The following GRIK3 variants were observed in gnomAD, a reference collection of about 807,000 sequenced individuals.
GRIK3 encodes glutamate ionotropic receptor kainate type subunit 3, also known as glutamate receptor ionotropic, kainate 3.
Under a neutral mutation model 102.5 loss-of-function variants are expected in GRIK3, and 29 were observed. The ratio of observed to expected loss-of-function variants is 0.28; its 90% CI spans 0.21 to 0.39. The LOEUF (loss-of-function observed/expected upper bound fraction) is 0.39, where lower values mean the gene tolerates loss of function less well. Among genes scored for constraint, GRIK3 ranks in the 10% least tolerant of loss-of-function variants. The pLI is 1.00. For synonymous variants in GRIK3, 511 were observed against 504.9 expected, an observed-to-expected ratio of 1.01 and a Z score of -0.16; for missense variants, 908 against 1,252.4, an observed-to-expected ratio of 0.73 and a Z score of 4.15.
At chr1:36,973,586 A>ATTTT (rs35781786) in intron 1 of GRIK3, among the ~76,000 whole-genome samples, 40 of 141,620 alleles carry the variant, frequency 2.8e-4, no homozygotes, top group African/African-American at 1.1e-3. Context: ...CGCCCGGCTA[A>ATTTT]TTTTTTTTTT....
At chr1:36,842,648 G>T (rs780707869) in intron 9 of GRIK3, among the ~76,000 whole-genome samples, 2 of 152,218 alleles carry the variant, frequency 1.3e-5, no homozygotes, top group Admixed American at 1.3e-4. Flanking sequence ...CCGGGCACTG[G>T]TCAATTAGCA....
At position 36,850,595 on chromosome 1, in the gene GRIK3, C is replaced by T; in HGVS notation, c.1213-171G>A. Reference sequence around the variant, plus strand: ...CAGTTATAACCGTTCTGGACAACATCCCTGCAGCTCTCCCTCCTCTCCTGA... The same window carrying T: ...CAGTTATAACCGTTCTGGACAACATTCCTGCAGCTCTCCCTCCTCTCCTGA... On this transcript the variant is annotated intron_variant, in intron 8 of 15. Transcript: ENST00000373091. This position sits in a 1 kb window ranked among gnomAD's most constrained non-coding sequence, Gnocchi z 4.0. Among the ~76,000 whole-genome samples the T allele has an allele frequency of 6.6e-6, 1 of 152,248 alleles. No individual in the cohort carries two copies. Among genetic ancestry groups the T allele is most frequent in the East Asian group, 1.9e-4 (1 of 5,200 alleles).
intron 3 of GRIK3, among the ~76,000 whole-genome samples, chr1:36,874,818 A>G (rs538340349): frequency 6.6e-6 from 1 of 152,294 alleles, no homozygotes; most frequent in South Asian, 2.1e-4. Context: ...ACATCGCCCC[A>G]TGTAATGCAT....
chr1:36,942,847 A>G (rs1641742774), intron 1 of GRIK3, among the ~76,000 whole-genome samples: 1 of 152,158 alleles, frequency 6.6e-6, no homozygotes, highest in African/African-American at 2.4e-5. Context: ...CTGGCAGCCC[A>G]GGGAACTGCT....
intron 1 of GRIK3, among the ~76,000 whole-genome samples, chr1:36,983,168 C>G (rs983923704): frequency 1.3e-5 from 2 of 152,160 alleles, no homozygotes; most frequent in Non-Finnish European, 2.9e-5. Flanking sequence ...ACACCGACAC[C>G]GAGGACTGCC....
intron 1 of GRIK3, among the ~76,000 whole-genome samples, chr1:37,022,683 T>C (rs1642727407): frequency 6.6e-6 from 1 of 152,186 alleles, no homozygotes; most frequent in South Asian, 2.1e-4. Context: ...AAATCCTCAT[T>C]GACAAAATGG....
intron 1 of GRIK3, among the ~76,000 whole-genome samples, chr1:36,945,049 G>T (rs1641767585): frequency 6.6e-6 from 1 of 152,218 alleles, no homozygotes; most frequent in Non-Finnish European, 1.5e-5. Context: ...GTGCCCAGCT[G>T]GCTCCACCCC....
chr1:37,014,627 A>G (rs1399590794), intron 1 of GRIK3, among the ~76,000 whole-genome samples: 2 of 152,202 alleles, frequency 1.3e-5, no homozygotes, highest in Admixed American at 6.5e-5. Context: ...TACTTATCCA[A>G]TAGAAGATAA....
At chr1:36,877,072 G>A (rs1414196571) in intron 3 of GRIK3, among the ~76,000 whole-genome samples, 1 of 152,204 alleles carries the variant, frequency 6.6e-6, no homozygotes, top group Non-Finnish European at 1.5e-5. Flanking sequence ...GGCCATCAGA[G>A]CTGAGAATGA....
At chr1:37,010,900 C>A (rs1642589228) in intron 1 of GRIK3, among the ~76,000 whole-genome samples, 1 of 152,038 alleles carries the variant, frequency 6.6e-6, no homozygotes, top group South Asian at 2.1e-4. Flanking sequence ...CACCACCGCG[C>A]CCGGCTAATT....
intron 13 of GRIK3, among the ~76,000 whole-genome samples, chr1:36,815,022 C>T (rs1642609760): frequency 6.6e-6 from 1 of 152,260 alleles, no homozygotes; most frequent in South Asian, 2.1e-4. Context: ...CACACACGTG[C>T]ACATTCCCAC....
At chr1:36,886,735 G>A (rs1339257806) in intron 2 of GRIK3, among the ~76,000 whole-genome samples, 4 of 152,154 alleles carry the variant, frequency 2.6e-5, no homozygotes, top group Non-Finnish European at 2.9e-5. Context: ...TCATTCATAC[G>A]TCATGCACTC....
chr1:36,973,303 G>A (rs893166153), intron 1 of GRIK3, among the ~76,000 whole-genome samples: 3 of 151,960 alleles, frequency 2.0e-5, no homozygotes, highest in African/African-American at 7.3e-5. Context: ...TGCTATATCT[G>A]CACACCAGGC....
At chr1:36,851,563 A>G (rs1640585924) in intron 8 of GRIK3, among the ~76,000 whole-genome samples, 1 of 152,272 alleles carries the variant, frequency 6.6e-6, no homozygotes, top group Non-Finnish European at 1.5e-5. Flanking sequence ...TTCAGAGGCC[A>G]CATGAAGAGC....
chr1:36,815,459 G>A (rs906236941), intron 13 of GRIK3, among the ~76,000 whole-genome samples: 3 of 152,218 alleles, frequency 2.0e-5, no homozygotes, highest in Non-Finnish European at 2.9e-5. Context: ...AGGAGGCAGC[G>A]GCTGGGAGAT....
At chr1:36,966,597 G>C (rs917378991) in intron 1 of GRIK3, among the ~76,000 whole-genome samples, 1 of 152,156 alleles carries the variant, frequency 6.6e-6, no homozygotes, top group Admixed American at 6.5e-5. Context: ...GACTAAGGCA[G>C]ATCCTAATCT....
intron 11 of GRIK3, among the ~76,000 whole-genome samples, chr1:36,823,666 G>A (rs1557693369): frequency 6.6e-6 from 1 of 152,052 alleles, no homozygotes; most frequent in African/African-American, 2.4e-5. Context: ...TCTCCGGGGT[G>A]CCTTAGTCCC....
chr1:37,007,277 A>C (rs957743887), intron 1 of GRIK3, among the ~76,000 whole-genome samples: 1 of 152,232 alleles, frequency 6.6e-6, no homozygotes, highest in African/African-American at 2.4e-5. Flanking sequence ...CACAGAGAAG[A>C]AAAGTAACTT....
rs1158041541 is a variant in GRIK3, at chr1:37,019,415, T to A, written c.115+14579A>T. On this transcript the variant is annotated intron_variant, in intron 1 of 15. Transcript: ENST00000373091. Reference sequence around the variant, plus strand: ...ACTGTGCGACTTTCAGTTCGTCTCTTCATCTCTCTGAGCCTCATTACTCCT... The same window carrying A: ...ACTGTGCGACTTTCAGTTCGTCTCTACATCTCTCTGAGCCTCATTACTCCT... Among the ~76,000 whole-genome samples the A allele has an allele frequency of 2.6e-5, 4 of 152,262 alleles. No homozygotes were observed. In the East Asian group the frequency reaches 7.7e-4, roughly 29 times the overall value.
Sources: gnomAD v4.1 joint callset for allele counts (sites outside exome capture counted in the v4.1 genomes callset) on GRCh38, gnomAD v4.1.1 for gene constraint, Gnocchi (gnomAD v3.1) non-coding constraint, MANE v1.5 for transcripts, NCBI Gene and HGNC (gene_info 2026-07-23, HGNC 2026-07-21) for gene names.